Variants in NBPF11 observed in about 807,000 individuals in gnomAD.
NBPF11 encodes NBPF member 11.
NBPF11 carries 72 observed loss-of-function variants against 93.9 expected under a neutral mutation model. The observed-to-expected ratio is 0.77, with a 90% CI of 0.63 to 0.93. NBPF11 has a LOEUF of 0.93. Among genes scored for constraint, NBPF11 ranks in the 40% least tolerant of loss-of-function variants. The pLI is 0.00. For synonymous variants in NBPF11, 224 were observed against 304.9 expected, an observed-to-expected ratio of 0.73 and a Z score of 2.76; for missense variants, 705 against 802.2, an observed-to-expected ratio of 0.88 and a Z score of 1.46.
At position 148,108,502 on chromosome 1, in the gene NBPF11, C is replaced by A. The variant is rs1187509012; in HGVS notation, c.2006G>T (p.Gly669Val). ...CTCACCATCCATGTCAACAGCCAAGCCAATACGCTGTTGCTCCAATACGTA... is the reference window on the plus strand; with the variant it reads ...CTCACCATCCATGTCAACAGCCAAGACAATACGCTGTTGCTCCAATACGTA... ...AFYVLEQQRI[G>V]LAVDMDEIEK... Residue 669 changes from glycine to valine, a missense_variant, in exon 18 of 24, where the codon GGC becomes GTC. Physicochemically the swap from Gly to Val is moderately radical, Grantham distance 109. Coordinates refer to ENST00000682118, the MANE Select transcript of NBPF11 (RefSeq NM_001385469.3). 17 of 1,592,008 alleles carry A rather than the reference C, an allele frequency of 1.1e-5. No individual in the cohort carries two copies. In the Admixed American group the frequency reaches 2.3e-4, roughly 22 times the overall value.
intron 6 of NBPF11, 144 bp downstream of exon 6, chr1:148,124,755 T>C (rs1668690352): frequency 1.3e-5 from 9 of 694,742 alleles, no homozygotes; most frequent in Non-Finnish European, 2.3e-5. Context: ...TGTTCTCTGA[T>C]AAATATTTGT....
At chr1:148,109,235 T>C in intron 17 of NBPF11, 49 bp downstream of exon 17, 6 of 883,390 alleles carry the variant, frequency 6.8e-6, no homozygotes, top group South Asian at 5.2e-5. Flanking sequence ...GGACTTGGCA[T>C]CTCCAGGTGT....
chr1:148,143,183 G>A (rs1201909451), intron 2 of NBPF11, among the ~76,000 whole-genome samples: 1 of 151,988 alleles, frequency 6.6e-6, no homozygotes, highest in East Asian at 1.9e-4. Flanking sequence ...AAGAGAACAT[G>A]TCCTCTCCTG....
rs868906607 is a variant in NBPF11, at chr1:148,109,242, G to A, written c.1853+42C>T. On this transcript the variant is annotated intron_variant, in intron 17 of 23. Transcript: ENST00000682118. ...TTTTCCCTGGACTTGGCATCTCCAG[G>A]TGTCAACATCAAATTAACTGTCCAC... 41 of 859,300 alleles carry A rather than the reference G, an allele frequency of 4.8e-5. No individual in the cohort carries two copies. The Middle Eastern group carries it at 1.9e-3, about 39-fold the overall frequency. The allele number at this position is 859,300 out of a possible 1,614,324, so 53.2% of individuals were successfully genotyped here.
intron 1 of NBPF11, among the ~76,000 whole-genome samples, chr1:148,144,514 G>A (rs1401976378): frequency 6.6e-6 from 1 of 151,774 alleles, no homozygotes; most frequent in Non-Finnish European, 1.5e-5. Flanking sequence ...TGAGAATACA[G>A]TGGTGAATAA....
intron 2 of NBPF11, among the ~76,000 whole-genome samples, chr1:148,141,870 G>T (rs1672219051): frequency 6.6e-6 from 1 of 151,832 alleles, no homozygotes; most frequent in African/African-American, 2.4e-5. Flanking sequence ...CAGCTCCAGA[G>T]ATTTTGATAA....
chr1:148,149,621 C>T (rs1396604568), intron 1 of NBPF11: 10 of 1,519,696 alleles, frequency 6.6e-6, no homozygotes, highest in Middle Eastern at 2.3e-4. Context: ...GACCTCACCC[C>T]GCGCCGGCCC....
intron 10 of NBPF11, among the ~76,000 whole-genome samples, chr1:148,119,637 C>CT (rs1192870582): frequency 6.6e-6 from 1 of 151,906 alleles, no homozygotes; most frequent in Non-Finnish European, 1.5e-5. Flanking sequence ...CTACTCTCTG[C>CT]TTTTTATTCT....
At chr1:148,132,103 T>G (rs1314037056) in intron 4 of NBPF11, among the ~76,000 whole-genome samples, 1 of 146,662 alleles carries the variant, frequency 6.8e-6, no homozygotes, top group African/African-American at 2.6e-5. Context: ...TTCATTGTGC[T>G]GTTTATCTTA....
intron 14 of NBPF11, among the ~76,000 whole-genome samples, chr1:148,115,343 C>T (rs1666244853): frequency 1.3e-5 from 2 of 150,428 alleles, no homozygotes; most frequent in Admixed American, 1.3e-4. Context: ...GACTGTGCAG[C>T]TAAGCAAGCT....
intron 1 of NBPF11, among the ~76,000 whole-genome samples, chr1:148,149,805 T>C: frequency 6.7e-6 from 1 of 150,132 alleles, no homozygotes; most frequent in Middle Eastern, 3.5e-3. Context: ...AAAAAAAAGA[T>C]TTAACAGGCA....
intron 19 of NBPF11, 95 bp from the exon 20 acceptor site, chr1:148,107,209 A>T (rs1663883173): frequency 1.8e-6 from 1 of 568,532 alleles, no homozygotes; most frequent in East Asian, 2.9e-5. Flanking sequence ...GAACTGTTTA[A>T]AAAGAAAAAG....
chr1:148,112,318 A>T (rs1167928425), intron 15 of NBPF11, among the ~76,000 whole-genome samples: 6 of 96,716 alleles, frequency 6.2e-5, no homozygotes, highest in African/African-American at 2.6e-4. Context: ...CCCACCCTAC[A>T]ACAGGCCCCA....
chr1:148,111,745 G>C (rs1665329242), intron 15 of NBPF11, among the ~76,000 whole-genome samples: 2 of 151,720 alleles, frequency 1.3e-5, no homozygotes. Flanking sequence ...AATAAATATG[G>C]GACTATGTGA....
chr1:148,144,007 T>C (rs1672593050), intron 1 of NBPF11, among the ~76,000 whole-genome samples: 1 of 151,352 alleles, frequency 6.6e-6, no homozygotes, highest in African/African-American at 2.4e-5. Context: ...TAGTGAGCTA[T>C]GATGGCACCA....
At chr1:148,146,948 G>C in intron 1 of NBPF11, 1 of 1,573,920 alleles carries the variant, frequency 6.4e-7, no homozygotes, top group South Asian at 1.1e-5. Flanking sequence ...GGGCAGCTCA[G>C]CCTGGGCACA....
At chr1:148,121,857 G>C (rs1434408740) in intron 9 of NBPF11, among the ~76,000 whole-genome samples, 198 bp downstream of exon 9, 1 of 151,858 alleles carries the variant, frequency 6.6e-6, no homozygotes, top group Admixed American at 6.5e-5. Flanking sequence ...CTCCAGGCTG[G>C]TCTTCAACTC....
At chr1:148,149,450 G>C in intron 1 of NBPF11, 1 of 1,587,728 alleles carries the variant, frequency 6.3e-7, no homozygotes, top group Non-Finnish European at 8.5e-7. Flanking sequence ...CTGCCCCAAG[G>C]CGGTGGAGCC....
At chr1:148,125,977 T>C (rs1669015553) in intron 5 of NBPF11, among the ~76,000 whole-genome samples, 2 of 151,952 alleles carry the variant, frequency 1.3e-5, no homozygotes, top group Non-Finnish European at 2.9e-5. Flanking sequence ...CTCTGCTTTT[T>C]ATTTTTATTT....
Sources: gnomAD v4.1 joint callset for allele counts (sites outside exome capture counted in the v4.1 genomes callset) on GRCh38, gnomAD v4.1.1 for gene constraint, MANE v1.5 for transcripts, NCBI Gene and HGNC (gene_info 2026-07-23, HGNC 2026-07-21) for gene names.